ADORA2B: variants seen among roughly 807,000 people sequenced by gnomAD.
ADORA2B encodes adenosine receptor A2b.
Under a neutral mutation model 20.8 loss-of-function variants are expected in ADORA2B, and 18 were observed. That is an observed-to-expected ratio of 0.87 (90% CI 0.60 to 1.29). The LOEUF (loss-of-function observed/expected upper bound fraction) is 1.29. Among genes scored for constraint, ADORA2B ranks in the 50% most tolerant of loss-of-function variants. The pLI is 0.00. For synonymous variants in ADORA2B, 179 were observed against 178.3 expected (o/e 1.00, Z -0.03); for missense variants, 441 against 422.7 (o/e 1.04, Z -0.38).
At chr17:15,912,104 C>T in the ADORA2B span, among the ~76,000 whole-genome samples, 1 of 151,684 alleles carries the variant, frequency 6.6e-6, no homozygotes, top group Non-Finnish European at 1.5e-5. Context: ...TTCCCAGCTA[C>T]TCAGGAGGCT....
In ADORA2B at chr17:15,975,421, GA is replaced by G; in HGVS notation, c.*80del. The G allele has an allele frequency of 6.9e-7, 1 of 1,439,422 alleles. No individual in the cohort carries two copies. Among genetic ancestry groups the G allele is most frequent in the Admixed American group, 2.0e-5 (1 of 50,974 alleles). 89.2% of individuals were successfully genotyped at this position (1,439,422 alleles called of 1,614,324 possible). ...GACACGGCTGGTTTTCATTGTGAAA[GA>G]TAGCTACACCTCACAAGGAAATGGA... On this transcript the variant is annotated 3_prime_UTR_variant, in exon 2 of 2. Transcript: ENST00000304222.
chr17:15,881,784 T>G, the ADORA2B span, among the ~76,000 whole-genome samples: 1 of 152,216 alleles, frequency 6.6e-6, no homozygotes, highest in Non-Finnish European at 1.5e-5. Context: ...TCTGTCCACC[T>G]TCTTCTCTCC....
intron 1 of ADORA2B, among the ~76,000 whole-genome samples, chr17:15,951,465 T>C (rs901155572): frequency 6.6e-6 from 1 of 152,284 alleles, no homozygotes; most frequent in East Asian, 1.9e-4. Context: ...TTGTCCTCCA[T>C]TGTTAGCACA....
chr17:15,855,002 C>T, the ADORA2B span, among the ~76,000 whole-genome samples: 2 of 151,860 alleles, frequency 1.3e-5, no homozygotes, highest in Non-Finnish European at 2.9e-5. Context: ...CCATCTTGGC[C>T]CACTGCAACC....
intron 1 of ADORA2B, among the ~76,000 whole-genome samples, chr17:15,948,392 C>A (rs7208108): frequency 0.27 from 4,437 of 16,344 alleles, 445 homozygotes; most frequent in African/African-American, 0.36. Context: ...TGATGTTGGG[C>A]CCTGGCGGCG....
chr17:15,855,367 G>A, the ADORA2B span, among the ~76,000 whole-genome samples: 3 of 151,830 alleles, frequency 2.0e-5, no homozygotes, highest in Non-Finnish European at 4.4e-5. Flanking sequence ...GTGGCTATGT[G>A]GCCCCAGAGC....
chr17:15,919,784 C>T, the ADORA2B span, among the ~76,000 whole-genome samples: 1 of 152,154 alleles, frequency 6.6e-6, no homozygotes, highest in Non-Finnish European at 1.5e-5. Flanking sequence ...GCAGAGGAGG[C>T]TCCAGTGGCC....
At chr17:15,951,785 G>T (rs1969905642) in intron 1 of ADORA2B, among the ~76,000 whole-genome samples, 1 of 152,258 alleles carries the variant, frequency 6.6e-6, no homozygotes, top group Non-Finnish European at 1.5e-5. Flanking sequence ...CTGGAGGGCA[G>T]GGGAGATGGA....
chr17:15,894,455 G>C, the ADORA2B span, among the ~76,000 whole-genome samples: 7 of 152,152 alleles, frequency 4.6e-5, no homozygotes, highest in African/African-American at 1.7e-4. Flanking sequence ...GAAACACCTT[G>C]GTGTGGTCAA....
At chr17:15,859,409 A>T in the ADORA2B span, among the ~76,000 whole-genome samples, 1 of 149,978 alleles carries the variant, frequency 6.7e-6, no homozygotes, top group Non-Finnish European at 1.5e-5. Context: ...TTTCTCTGCT[A>T]TTTAGAGCTA....
At chr17:15,952,458 C>A (rs997823817) in intron 1 of ADORA2B, among the ~76,000 whole-genome samples, 6 of 152,066 alleles carry the variant, frequency 3.9e-5, no homozygotes, top group Non-Finnish European at 8.8e-5. Context: ...CAGGGTCACA[C>A]GGAAGCCGGG....
chr17:15,871,046 G>A, the ADORA2B span, among the ~76,000 whole-genome samples: 1 of 152,162 alleles, frequency 6.6e-6, no homozygotes, highest in Admixed American at 6.5e-5. Flanking sequence ...GGGCTCTCCC[G>A]TGTTGTGGGA....
At chr17:15,870,567 C>T in the ADORA2B span, among the ~76,000 whole-genome samples, 3,036 of 137,712 alleles carry the variant, frequency 0.022, 208 homozygotes, top group East Asian at 0.16. Context: ...GAGCCAAGAT[C>T]GCGCTACTGC....
the ADORA2B span, among the ~76,000 whole-genome samples, chr17:15,921,244 A>AG: frequency 1.6e-4 from 25 of 152,258 alleles, no homozygotes; most frequent in African/African-American, 6.0e-4. Context: ...AGCATCTTCT[A>AG]GGTCTCACTT....
the ADORA2B span, among the ~76,000 whole-genome samples, chr17:15,861,359 T>C: frequency 6.6e-5 from 10 of 152,164 alleles, no homozygotes; most frequent in Non-Finnish European, 1.5e-4. Flanking sequence ...TATATATGCA[T>C]GGTAGGCTCT....
the ADORA2B span, among the ~76,000 whole-genome samples, chr17:15,874,202 A>T: frequency 1.3e-5 from 2 of 151,828 alleles, no homozygotes; most frequent in African/African-American, 4.8e-5. Context: ...CCATTATTCT[A>T]AATGAAGTAA....
the ADORA2B span, among the ~76,000 whole-genome samples, chr17:15,894,797 C>T: frequency 6.6e-6 from 1 of 152,152 alleles, no homozygotes; most frequent in Non-Finnish European, 1.5e-5. Flanking sequence ...GTTTTGATTA[C>T]TCCACATCAG....
At chr17:15,912,038 C>A in the ADORA2B span, among the ~76,000 whole-genome samples, 1 of 152,080 alleles carries the variant, frequency 6.6e-6, no homozygotes, top group Non-Finnish European at 1.5e-5. Flanking sequence ...CATGGCAAAA[C>A]CCCATCTCTA....
At chr17:15,974,301 C>T (rs750266240) in intron 1 of ADORA2B, 15 of 176,674 alleles carry the variant, frequency 8.5e-5, no homozygotes, top group Non-Finnish European at 1.6e-4. Context: ...CAGCTTTAGG[C>T]TAAACTTGAT....
Sources: allele counts gnomAD v4.1 joint callset (sites outside exome capture counted in the v4.1 genomes callset), GRCh38; gene constraint gnomAD v4.1.1; transcripts MANE v1.5; gene names NCBI Gene and HGNC (gene_info 2026-07-23, HGNC 2026-07-21).